Variants in VRK3 observed in about 807,000 individuals in gnomAD.
The protein encoded by VRK3 is VRK serine/threonine kinase 3.
A neutral mutation model predicts 60.4 loss-of-function variants in VRK3; 50 were observed. That is an observed-to-expected ratio of 0.83 (90% CI 0.66 to 1.05). The LOEUF is 1.05. Ranked by LOEUF, VRK3 falls within the 50% of genes least tolerant of loss-of-function variation. The probability of loss-of-function intolerance (pLI) is 0.00; values close to 1 mark genes in which losing one functional copy is unlikely to be tolerated. For missense variants in VRK3, 549 were observed against 585.3 expected (o/e 0.94, Z 0.64); for synonymous variants, 246 against 227.8 (o/e 1.08, Z -0.72).
intron 10 of VRK3, among the ~76,000 whole-genome samples, chr19:49,991,518 T>TACACACACACACACACGC: frequency 6.6e-6 from 1 of 150,830 alleles, no homozygotes; most frequent in East Asian, 1.9e-4. Context: ...AATAAATCTC[T>TACACACACACACACACGC]ACACACACAC....
intron 4 of VRK3, among the ~76,000 whole-genome samples, chr19:50,008,189 G>T (rs951763511): frequency 2.0e-5 from 3 of 152,206 alleles, no homozygotes; most frequent in Non-Finnish European, 4.4e-5. Context: ...GTTGGATCTT[G>T]TTGGATGAGG....
chr19:50,007,416 T>C (rs760824857), intron 5 of VRK3, among the ~76,000 whole-genome samples, 153 bp downstream of exon 5: 1 of 151,998 alleles, frequency 6.6e-6, no homozygotes, highest in Non-Finnish European at 1.5e-5. Context: ...TGCAGGTGGG[T>C]AGGTATAGAG....
chr19:49,983,491 C>T (rs952143827), intron 12 of VRK3, among the ~76,000 whole-genome samples: 1 of 152,216 alleles, frequency 6.6e-6, no homozygotes, highest in Admixed American at 6.5e-5. Context: ...CCCGGTTGTG[C>T]CATCAACAGG....
intron 12 of VRK3, among the ~76,000 whole-genome samples, chr19:49,983,363 T>C (rs2076456722): frequency 6.6e-6 from 1 of 152,216 alleles, no homozygotes; most frequent in Non-Finnish European, 1.5e-5. Context: ...CTCGAGGGCT[T>C]GGCCTCCCAA....
Position 49,981,851 on chromosome 19 carries a change from A to G in VRK3, c.1218-838T>C, listed in dbSNP as rs987132868. On this transcript the variant is annotated intron_variant, in intron 12 of 14. Transcript: ENST00000316763. ...GGGAGCTCGTGGCTGTGAGGGGCCA[A>G]TGGGCGGTATCCAAACATTTTGAGG... 6 of 1,193,672 alleles carry G rather than the reference A, an allele frequency of 5.0e-6. No homozygotes were observed. In the Admixed American group the frequency reaches 1.5e-4, roughly 31 times the overall value. 73.9% of individuals were successfully genotyped at this position (1,193,672 alleles called of 1,614,324 possible).
At chr19:50,010,742 G>A (rs1250840577) in intron 3 of VRK3, among the ~76,000 whole-genome samples, 1 of 152,058 alleles carries the variant, frequency 6.6e-6, no homozygotes, top group African/African-American at 2.4e-5. Context: ...GTGAAACCCC[G>A]TCCCTACTAA....
intron 10 of VRK3, among the ~76,000 whole-genome samples, chr19:49,990,425 C>T (rs144096773): frequency 0.016 from 2,395 of 152,302 alleles, 65 homozygotes; most frequent in African/African-American, 0.055. Context: ...TTCACTCTGT[C>T]ACCCAGGCTG....
intron 1 of VRK3, among the ~76,000 whole-genome samples, chr19:50,023,647 C>A (rs1240274702): frequency 6.6e-6 from 1 of 152,144 alleles, no homozygotes; most frequent in South Asian, 2.1e-4. Flanking sequence ...GAGCCTCAAA[C>A]AGGCCTGGCA....
intron 2 of VRK3, chr19:50,020,379 G>GA (rs1245049307): frequency 6.6e-6 from 1 of 152,276 alleles, no homozygotes; most frequent in Non-Finnish European, 1.5e-5. Context: ...GTGTTAAATA[G>GA]AATTTCCCCA....
chr19:50,015,945 G>C, intron 3 of VRK3, 79 bp downstream of exon 3: 1 of 1,589,730 alleles, frequency 6.3e-7, no homozygotes, highest in South Asian at 1.1e-5. Flanking sequence ...AGGCTGCAAA[G>C]GCATCCTCCC....
At chr19:50,009,132 G>C in intron 4 of VRK3, 104 bp downstream of exon 4, 1 of 1,345,900 alleles carries the variant, frequency 7.4e-7, no homozygotes, top group Non-Finnish European at 1.0e-6. Flanking sequence ...AGGCAGGGAT[G>C]GATGATGTTT....
Position 49,977,352 on chromosome 19 carries a change from G to A in VRK3, c.*12-568C>T, listed in dbSNP as rs184547737. ...TGGGCTCCTTAAATGCCATCTCCTC[G>A]TTATGTTCCCAACCAAGGGGCTGAG... On this transcript the variant is annotated intron_variant, in intron 14 of 14. Coordinates refer to ENST00000316763, the MANE Select transcript of VRK3 (RefSeq NM_016440.4). 2.0e-5 allele frequency among the ~76,000 whole-genome samples: 3 copies of A among 152,238 alleles called. No homozygotes were observed. The East Asian group carries it at 5.8e-4, about 29-fold the overall frequency.
chr19:49,995,193 G>GT lies in VRK3; in HGVS notation c.761dup (p.Tyr254Ter). 6.2e-7 allele frequency: 1 copy of GT among 1,614,162 alleles called. No individual in the cohort carries two copies. The highest frequency in any genetic ancestry group is 8.5e-7 in the Non-Finnish European group (1 of 1,179,986). The part of the protein sequence containing the change: ...CMGFGVHQDK[Y>*]RFLVLPSLGR... ...AAGCAGTGAGCAGAGCAGCTCACCT[G>GT]TATTTGTCCTGGTGAACACCGAAAC... Residue 254 changes from tyrosine (Y) to a stop codon, truncating the protein, a stop_gained and frameshift_variant, in exon 8 of 15, where the codon TAC (tyrosine) becomes TAAC (stop). Coordinates refer to ENST00000316763, the MANE Select transcript of VRK3 (RefSeq NM_016440.4). LOFTEE classifies it high-confidence loss of function.
chr19:50,019,941 C>T (rs1294252824), intron 2 of VRK3, among the ~76,000 whole-genome samples: 2 of 151,436 alleles, frequency 1.3e-5, no homozygotes, highest in Admixed American at 6.6e-5. Flanking sequence ...TGCAGTGGCA[C>T]GATCTTGGCT....
At chr19:50,010,936 CAAAA>C (rs1207879886) in intron 3 of VRK3, among the ~76,000 whole-genome samples, 2 of 145,542 alleles carry the variant, frequency 1.4e-5, no homozygotes, top group African/African-American at 2.8e-5. Flanking sequence ...AAACAAAAAA[CAAAA>C]AACAAAAACA....
chr19:50,013,356 A>G (rs2077025911), intron 3 of VRK3, among the ~76,000 whole-genome samples: 1 of 152,224 alleles, frequency 6.6e-6, no homozygotes, highest in South Asian at 2.1e-4. Context: ...CCCTTAGGGC[A>G]TCATGGGGAC....
chr19:49,980,239 A>G (rs969052199), intron 13 of VRK3, among the ~76,000 whole-genome samples: 14 of 152,142 alleles, frequency 9.2e-5, no homozygotes, highest in African/African-American at 2.9e-4. Flanking sequence ...CCAACAAGAC[A>G]GTGCAAATAC....
intron 12 of VRK3, chr19:49,981,795 C>CAG (rs2076427214): frequency 3.1e-5 from 23 of 735,902 alleles, no homozygotes; most frequent in Non-Finnish European, 3.9e-5. Flanking sequence ...CACACACAGA[C>CAG]ACACACACAC....
chr19:49,997,455 T>G (rs1466140822), intron 7 of VRK3, 49 bp downstream of exon 7: 1 of 1,603,172 alleles, frequency 6.2e-7, no homozygotes, highest in African/African-American at 1.3e-5. Context: ...TGTGACCAAG[T>G]TGGCGCCCCC....
Sources: gnomAD v4.1 joint callset for allele counts (sites outside exome capture counted in the v4.1 genomes callset) on GRCh38, gnomAD v4.1.1 for gene constraint, MANE v1.5 for transcripts, NCBI Gene and HGNC (gene_info 2026-07-23, HGNC 2026-07-21) for gene names.